Variants in KATNB1 observed in about 807,000 individuals in gnomAD.
KATNB1 encodes katanin regulatory subunit B1, also known as katanin p80 WD40 repeat-containing subunit B1.
A neutral mutation model predicts 82.3 loss-of-function variants in KATNB1; 38 were observed. The observed-to-expected ratio is 0.46, with a 90% confidence interval of 0.36 to 0.61. The LOEUF (loss-of-function observed/expected upper bound fraction) is 0.61, where lower values mean the gene tolerates loss of function less well. KATNB1 is among the 20% of genes least tolerant of loss of function. The probability of loss-of-function intolerance (pLI) is 0.00; values close to 1 mark genes in which losing one functional copy is unlikely to be tolerated. For missense variants in KATNB1, 749 were observed against 915.7 expected (o/e 0.82, Z 2.35); for synonymous variants, 361 against 368.7 (o/e 0.98, Z 0.24).
chr16:57,755,322 A>T (rs1204489800), intron 15 of KATNB1, 23 bp from the exon 16 acceptor site: 10 of 1,612,392 alleles, frequency 6.2e-6, no homozygotes, highest in African/African-American at 1.3e-5. Flanking sequence ...CCATGCCAGC[A>T]TCTGGGTGTC....
intron 4 of KATNB1, among the ~76,000 whole-genome samples, chr16:57,748,804 C>A (rs146798492): frequency 6.6e-6 from 1 of 152,346 alleles, no homozygotes; most frequent in African/African-American, 2.4e-5. Context: ...GGAGGGCGGC[C>A]GGTGCTTCAT....
intron 2 of KATNB1, among the ~76,000 whole-genome samples, chr16:57,738,743 T>C (rs1386509907): frequency 6.6e-6 from 1 of 152,234 alleles, no homozygotes; most frequent in East Asian, 1.9e-4. Context: ...TCAGAGTGGC[T>C]TTGTAATTAT....
intron 19 of KATNB1, 150 bp downstream of exon 19, chr16:57,756,622 G>A: frequency 8.5e-7 from 1 of 1,183,312 alleles, no homozygotes; most frequent in Non-Finnish European, 1.2e-6. Flanking sequence ...GTGTGGGTGG[G>A]CTTAGCCAGA....
At position 57,741,823 on chromosome 16, in the gene KATNB1, C is replaced by G; in HGVS notation, c.171+6C>G. The G allele has an allele frequency of 6.2e-7, 1 of 1,612,162 alleles. No individual in the cohort carries two copies. On this transcript the variant is annotated splice_donor_region_variant and intron_variant, in intron 3 of 19. Transcript: ENST00000379661. ...ACAAGCCCAACTGCATCATGGTGAGCCCCGACAGCTGGCGGGGGGTCAGGA... is the reference window on the plus strand; with the variant it reads ...ACAAGCCCAACTGCATCATGGTGAGGCCCGACAGCTGGCGGGGGGTCAGGA...
chr16:57,741,902 C>A, intron 3 of KATNB1, 85 bp downstream of exon 3: 1 of 1,456,576 alleles, frequency 6.9e-7, no homozygotes, highest in Non-Finnish European at 9.3e-7. Flanking sequence ...GAGTGAGCAG[C>A]TTCTCAGACT....
chr16:57,750,749 AAAT>A (rs1262787237), intron 4 of KATNB1, 75 bp from the exon 5 acceptor site: 22 of 1,078,116 alleles, frequency 2.0e-5, no homozygotes, highest in Non-Finnish European at 3.2e-5. Flanking sequence ...GCGCACACAC[AAAT>A]GCCCACAGCA....
intron 2 of KATNB1, among the ~76,000 whole-genome samples, chr16:57,739,536 A>G (rs2049127398): frequency 1.3e-5 from 2 of 152,194 alleles, no homozygotes; most frequent in African/African-American, 2.4e-5. Flanking sequence ...ATGAAAATCA[A>G]GTATTCGGCC....
At position 57,757,050 on chromosome 16, in the gene KATNB1, T is replaced by A. The variant is rs1320439067; in HGVS notation, c.*104T>A. On this transcript the variant is annotated 3_prime_UTR_variant, in exon 20 of 20. Transcript: ENST00000379661. Reference sequence around the variant, plus strand: ...GGCCCATGAGCCTCTGCCTGGCCCCTGCTGCTGTCCTGTGGCCGTCCTGGA... The same window carrying A: ...GGCCCATGAGCCTCTGCCTGGCCCCAGCTGCTGTCCTGTGGCCGTCCTGGA... 3 of 1,305,554 alleles carry A rather than the reference T, an allele frequency of 2.3e-6. No individual in the cohort carries two copies. The highest frequency in any genetic ancestry group is 3.0e-6 in the Non-Finnish European group (3 of 1,004,004). 80.9% of individuals were successfully genotyped at this position (1,305,554 alleles called of 1,614,324 possible).
In KATNB1 at chr16:57,752,523, T is replaced by G; in HGVS notation, c.633-7T>G. ...GGCTTCGCAGCACAGCTTGGCTGCC[T>G]TTGCAGGACAATCCGCTTCTGGGAC... On this transcript the variant is annotated splice_polypyrimidine_tract_variant and splice_region_variant and intron_variant, in intron 8 of 19. Transcript: ENST00000379661. 1.3e-6 allele frequency: 2 copies of G among 1,561,012 alleles called. No individual in the cohort carries two copies. The highest frequency in any genetic ancestry group is 1.7e-6 in the Non-Finnish European group (2 of 1,151,994).
intron 3 of KATNB1, among the ~76,000 whole-genome samples, 165 bp downstream of exon 3, chr16:57,741,982 A>T (rs1555579833): frequency 6.6e-6 from 1 of 152,212 alleles, no homozygotes; most frequent in Non-Finnish European, 1.5e-5. Flanking sequence ...TGGGGACACC[A>T]TCAGTGCTTC....
chr16:57,754,099 C>A, intron 13 of KATNB1, 104 bp downstream of exon 13: 2 of 970,748 alleles, frequency 2.1e-6, no homozygotes, highest in Non-Finnish European at 3.2e-6. Context: ...GGACCCTCCC[C>A]TCTCAGGACA....
intron 2 of KATNB1, 95 bp downstream of exon 2, chr16:57,737,378 G>A (rs2049109025): frequency 4.3e-6 from 6 of 1,402,138 alleles, no homozygotes; most frequent in African/African-American, 1.4e-5. Flanking sequence ...CCTGTTCTTG[G>A]CACAGGAGGA....
Position 57,751,571 on chromosome 16 carries a change from A to C in KATNB1, c.433-70A>C. ...TGTTAGATGGAAGGGGTCCCATAGG[A>C]GTGAGGAGGCAGGGAGAGGTCTGTT... On this transcript the variant is annotated intron_variant, in intron 6 of 19. Transcript: ENST00000379661. This position sits in a 1 kb window ranked among gnomAD's most constrained non-coding sequence, Gnocchi z 6.3. 1 of 1,384,242 alleles carries C rather than the reference A, an allele frequency of 7.2e-7. No homozygotes were observed. The highest frequency in any genetic ancestry group is 1.0e-6 in the Non-Finnish European group (1 of 979,686). 85.7% of individuals were successfully genotyped at this position (1,384,242 alleles called of 1,614,324 possible). A position where few individuals can be genotyped will look rare whatever the true frequency, so the allele number is the denominator to read the frequency against.
At chr16:57,750,429 G>C (rs1216843208) in intron 4 of KATNB1, among the ~76,000 whole-genome samples, 2 of 152,196 alleles carry the variant, frequency 1.3e-5, no homozygotes, top group African/African-American at 2.4e-5. Flanking sequence ...CAGGAGGCCA[G>C]CCCAGCCAAC....
chr16:57,750,815 CCTT>C lies in KATNB1; in HGVS notation c.290-8_290-6del. The C allele has an allele frequency of 1.9e-6, 3 of 1,611,282 alleles. No homozygotes were observed. Among genetic ancestry groups the C allele is most frequent in the Non-Finnish European group, 1.7e-6 (2 of 1,177,352 alleles). On this transcript the variant is annotated splice_polypyrimidine_tract_variant and intron_variant, in intron 4 of 19. Transcript: ENST00000379661. The stretch of plus-strand genomic sequence containing the variant: ...GCCTCTTAGCCACTGTCTCTGCTTT[CCTT>C]CTTGTTAGTTCTTCGCACACTCATG...
chr16:57,750,763 G>C, intron 4 of KATNB1, 64 bp from the exon 5 acceptor site: 2 of 1,249,568 alleles, frequency 1.6e-6, no homozygotes, highest in East Asian at 4.6e-5. Context: ...GCCCACAGCA[G>C]CCCTTCCTCT....
intron 4 of KATNB1, among the ~76,000 whole-genome samples, chr16:57,748,217 C>A (rs1442096276): frequency 3.9e-5 from 6 of 152,122 alleles, no homozygotes; most frequent in Non-Finnish European, 8.8e-5. Flanking sequence ...GAGAAACTTG[C>A]CATCAGCACA....
chr16:57,751,904 C>T lies in KATNB1; in HGVS notation c.517-36C>T, dbSNP rs373110632. 6.5e-7 allele frequency: 1 copy of T among 1,550,086 alleles called. No individual in the cohort carries two copies. Among genetic ancestry groups the T allele is most frequent in the Non-Finnish European group, 8.9e-7 (1 of 1,124,328 alleles). ...GAGGGAGGGTGGGCAGCCAAGATGC[C>T]TGGTCACCCTGACCTCCTCCCTGCC... On this transcript the variant is annotated intron_variant, in intron 7 of 19. Transcript: ENST00000379661. The surrounding 1 kb of genome is among the most constrained non-coding windows in gnomAD (Gnocchi z 6.3).
At chr16:57,738,068 C>A (rs553465665) in intron 2 of KATNB1, among the ~76,000 whole-genome samples, 42 of 152,182 alleles carry the variant, frequency 2.8e-4, no homozygotes, top group African/African-American at 8.9e-4. Context: ...CTTCTCAGAC[C>A]CCCCGAAAGG....
Sources: allele counts gnomAD v4.1 joint callset (sites outside exome capture counted in the v4.1 genomes callset), GRCh38; gene constraint gnomAD v4.1.1; non-coding constraint Gnocchi (gnomAD v3.1); transcripts MANE v1.5; gene names NCBI Gene and HGNC (gene_info 2026-07-23, HGNC 2026-07-21).